Variants in ZNF18 observed in about 807,000 individuals in gnomAD.
ZNF18 encodes the protein heart development-specific gene 1 protein.
ZNF18 carries 42 observed loss-of-function variants against 58.1 expected under a neutral mutation model. The ratio of observed to expected loss-of-function variants is 0.72; its 90% confidence interval spans 0.56 to 0.93. The LOEUF (loss-of-function observed/expected upper bound fraction) is 0.93, where lower values mean the gene tolerates loss of function less well. Among genes scored for constraint, ZNF18 ranks in the 40% least tolerant of loss-of-function variants. The pLI is 0.00. For missense variants in ZNF18, 540 were observed against 644.2 expected (o/e 0.84, Z 1.75); for synonymous variants, 231 against 239.8 (o/e 0.96, Z 0.34).
rs770896124 is a variant in ZNF18, at chr17:11,992,759, G to C, written c.71C>G (p.Ser24Ter). Residue 24 changes from serine (S) to a stop codon, truncating the protein, a stop_gained, in exon 2 of 7, where the codon TCA (serine) becomes TGA (stop). Transcript: ENST00000580306. LOFTEE classifies it high-confidence loss of function. ...CTCTTGAAGGGCAGCATCTGATTCT[G>C]AGAACTGGGAGTCCTCGGCCTTCGC... ...SLAKAEDSQF[S>*]ESDAALQEEL... is the part of the protein sequence containing the mutation. 1 of 1,614,238 alleles carries C rather than the reference G, an allele frequency of 6.2e-7. No individual in the cohort carries two copies. Among genetic ancestry groups the C allele is most frequent in the Admixed American group, 1.7e-5 (1 of 60,030 alleles).
chr17:12,016,796 G>A, the ZNF18 span, among the ~76,000 whole-genome samples: 2 of 152,172 alleles, frequency 1.3e-5, no homozygotes. Context: ...TTCACCTTTT[G>A]TAATGACTTA....
At chr17:12,017,130 G>A in the ZNF18 span, among the ~76,000 whole-genome samples, 8 of 151,782 alleles carry the variant, frequency 5.3e-5, no homozygotes, top group Non-Finnish European at 1.0e-4. Context: ...CCTGGAGGTA[G>A]GGGTTGTAGT....
At chr17:12,020,773 G>C in the ZNF18 span, 6 of 431,066 alleles carry the variant, frequency 1.4e-5, no homozygotes, top group African/African-American at 1.2e-4. Context: ...GCGTGTCCGG[G>C]GCGTGTCGGA....
intron 5 of ZNF18, 110 bp from the exon 6 acceptor site, chr17:11,983,517 G>A: frequency 1.3e-6 from 1 of 791,548 alleles, no homozygotes; most frequent in Non-Finnish European, 2.1e-6. Flanking sequence ...TGAAGGCTCT[G>A]GACACTTGCA....
chr17:12,021,270 C>G, the ZNF18 span: 14 of 243,330 alleles, frequency 5.8e-5, no homozygotes, highest in Non-Finnish European at 8.6e-5. Context: ...CCCGCAGGGC[C>G]CACCTGGTCC....
At chr17:12,018,279 T>C in the ZNF18 span, among the ~76,000 whole-genome samples, 1 of 152,246 alleles carries the variant, frequency 6.6e-6, no homozygotes, top group Non-Finnish European at 1.5e-5. Context: ...GCAATTCATT[T>C]TTCTGAACTG....
intron 1 of ZNF18, 114 bp from the exon 2 acceptor site, chr17:11,993,025 A>T: frequency 1.6e-6 from 1 of 614,408 alleles, no homozygotes; most frequent in South Asian, 2.3e-5. Context: ...AGCTTTTGAA[A>T]TTGCTCAATG....
chr17:11,997,045 TGA>T (rs886817745), intron 1 of ZNF18: 2 of 152,336 alleles, frequency 1.3e-5, no homozygotes, highest in Non-Finnish European at 2.9e-5. Flanking sequence ...TGCACTCTGA[TGA>T]GAGAGGGAGA....
intron 4 of ZNF18, among the ~76,000 whole-genome samples, chr17:11,989,519 T>C (rs922266125): frequency 2.0e-5 from 3 of 152,078 alleles, no homozygotes; most frequent in Non-Finnish European, 4.4e-5. Flanking sequence ...ACATTAAGTA[T>C]AGACATGAAA....
At position 11,992,453 on chromosome 17, in the gene ZNF18, A is replaced by G. The variant is rs1475682224; in HGVS notation, c.377T>C (p.Leu126Pro). The G allele has an allele frequency of 6.8e-6, 11 of 1,613,524 alleles. No homozygotes were observed. The highest frequency in any genetic ancestry group is 9.3e-6 in the Non-Finnish European group (11 of 1,179,700). The stretch of plus-strand genomic sequence containing the variant: ...ATACCCTCTGCTTACCCATTGCCAC[A>G]GTCTCTGGGGGTCCCCCTTCAAGCT... Reference protein sequence around the residue: ...VESLKGDPQRLWQWISIQVLG... With the variant: ...VESLKGDPQRPWQWISIQVLG... Residue 126 changes from leucine (L) to proline (P), a missense_variant, in exon 2 of 7, where the codon CTG becomes CCG. Transcript: ENST00000580306.
chr17:12,002,882 T>C, the ZNF18 span, among the ~76,000 whole-genome samples: 2 of 152,094 alleles, frequency 1.3e-5, no homozygotes, highest in African/African-American at 4.8e-5. Context: ...AGGATATCAG[T>C]GTAAGCTGTG....
the ZNF18 span, among the ~76,000 whole-genome samples, chr17:12,007,487 CT>C: frequency 2.6e-5 from 4 of 152,192 alleles, no homozygotes; most frequent in African/African-American, 9.7e-5. Context: ...TGTACGGTCA[CT>C]TGATGCTGCC....
At chr17:11,995,186 A>G (rs1968389398) in intron 1 of ZNF18, among the ~76,000 whole-genome samples, 1 of 151,936 alleles carries the variant, frequency 6.6e-6, no homozygotes, top group South Asian at 2.1e-4. Flanking sequence ...AGGCAGGGGG[A>G]TCATTTGAGG....
chr17:11,978,840 C>CTT (rs56969015), intron 6 of ZNF18, 96 bp from the exon 7 acceptor site: 16,826 of 120,570 alleles, frequency 0.14, 4,152 homozygotes, highest in Non-Finnish European at 0.18. Context: ...CATTCATTTT[C>CTT]TTTTTTTTTT....
the ZNF18 span, among the ~76,000 whole-genome samples, chr17:12,012,944 G>C: frequency 4.6e-4 from 52 of 113,668 alleles, no homozygotes; most frequent in African/African-American, 1.7e-3. Context: ...TTTTCATGTT[G>C]ATTTGTAGGA....
chr17:11,980,678 C>T (rs1421742767), intron 6 of ZNF18, among the ~76,000 whole-genome samples: 2 of 152,134 alleles, frequency 1.3e-5, no homozygotes, highest in African/African-American at 2.4e-5. Flanking sequence ...CTCAGCCTCC[C>T]ACAGTGCTGG....
At chr17:11,994,627 GT>G in intron 1 of ZNF18, among the ~76,000 whole-genome samples, 1 of 151,954 alleles carries the variant, frequency 6.6e-6, no homozygotes, top group East Asian at 1.9e-4. Flanking sequence ...GGATCACAAG[GT>G]CAGGAGATCG....
chr17:12,017,216 ATCT>A, the ZNF18 span, among the ~76,000 whole-genome samples: 1 of 151,994 alleles, frequency 6.6e-6, no homozygotes, highest in East Asian at 1.9e-4. Context: ...AATTAGTAAC[ATCT>A]TCTTTTATCT....
chr17:12,011,695 A>ATTTTTTTTT, the ZNF18 span, among the ~76,000 whole-genome samples: 1 of 87,588 alleles, frequency 1.1e-5, no homozygotes, highest in Non-Finnish European at 2.1e-5. Flanking sequence ...AATGTTCTTA[A>ATTTTTTTTT]TTTTTTTTTT....
Sources: allele counts gnomAD v4.1 joint callset (sites outside exome capture counted in the v4.1 genomes callset), GRCh38; gene constraint gnomAD v4.1.1; transcripts MANE v1.5; gene names NCBI Gene and HGNC (gene_info 2026-07-23, HGNC 2026-07-21).